LMTK2: variants seen among roughly 807,000 people sequenced by gnomAD.
LMTK2 encodes serine/threonine-protein kinase LMTK2.
LMTK2 carries 37 observed loss-of-function variants against 127.5 expected under a neutral mutation model. The observed-to-expected ratio is 0.29, with a 90% CI of 0.22 to 0.38. The LOEUF (loss-of-function observed/expected upper bound fraction) is 0.38. Ranked by LOEUF, LMTK2 falls within the 10% of genes least tolerant of loss-of-function variation. The probability of loss-of-function intolerance (pLI) is 1.00; values close to 1 mark genes in which losing one functional copy is unlikely to be tolerated. For synonymous variants in LMTK2, 819 were observed against 810.1 expected (o/e 1.01, Z -0.19); for missense variants, 1,694 against 1,920.3 (o/e 0.88, Z 2.20).
At chr7:98,201,645 T>C (rs1797706293) in intron 11 of LMTK2, among the ~76,000 whole-genome samples, 1 of 150,956 alleles carries the variant, frequency 6.6e-6, no homozygotes. Context: ...AGAGTCTTGC[T>C]CTGTCACTAG....
At chr7:98,140,992 G>A (rs974888888) in intron 2 of LMTK2, among the ~76,000 whole-genome samples, 24 of 151,634 alleles carry the variant, frequency 1.6e-4, no homozygotes, top group Non-Finnish European at 2.9e-4. Context: ...TGGAGGTCCA[G>A]GCTGCAGTGA....
At chr7:98,119,329 A>G (rs1470108341) in intron 1 of LMTK2, among the ~76,000 whole-genome samples, 3 of 152,174 alleles carry the variant, frequency 2.0e-5, no homozygotes, top group Non-Finnish European at 4.4e-5. Context: ...GAAAGGAGGA[A>G]AACATTCCAT....
intron 11 of LMTK2, among the ~76,000 whole-genome samples, chr7:98,199,364 C>T (rs1370734729): frequency 6.6e-6 from 1 of 152,128 alleles, no homozygotes; most frequent in Non-Finnish European, 1.5e-5. Context: ...TGTTTATTTT[C>T]GCTTCCTGTA....
At chr7:98,205,369 G>GAA in intron 13 of LMTK2, 95 bp from the exon 14 acceptor site, 1 of 1,472,454 alleles carries the variant, frequency 6.8e-7, no homozygotes. Context: ...ACCCGCTTCC[G>GAA]TTCCTGTGGT....
rs759239748 is a variant in LMTK2 at position 98,193,750 on chromosome 7, C to T, written c.3285C>T (p.Gly1095=). The change falls in exon 11 of 14, where the codon GGC becomes GGT. Residue 1095 remains glycine (G), a synonymous_variant. Transcript: ENST00000297293. This position sits in a 1 kb window ranked among gnomAD's most constrained non-coding sequence, Gnocchi z 4.1. ...TGACCCCTGAGACGTTCACAGCTGGCTCCCAGGGTTCATACCGAGACTCTG... is the reference window on the plus strand; with the variant it reads ...TGACCCCTGAGACGTTCACAGCTGGTTCCCAGGGTTCATACCGAGACTCTG... ...TEVTPETFTA[G]SQGSYRDSAY... is the part of the protein sequence containing the mutation. 2 of 1,613,980 alleles carry T rather than the reference C, an allele frequency of 1.2e-6. No individual in the cohort carries two copies. The highest frequency in any genetic ancestry group is 1.7e-6 in the Non-Finnish European group (2 of 1,180,032).
At chr7:98,146,350 A>G (rs572357967) in intron 3 of LMTK2, among the ~76,000 whole-genome samples, 1 of 151,878 alleles carries the variant, frequency 6.6e-6, no homozygotes, top group Admixed American at 6.6e-5. Context: ...CAGCCTTCCT[A>G]TTTCTCTAAA....
chr7:98,146,610 C>A (rs11980911), intron 3 of LMTK2, among the ~76,000 whole-genome samples: 114 of 152,106 alleles, frequency 7.5e-4, no homozygotes, highest in African/African-American at 2.5e-3. Context: ...TGAATTGATA[C>A]CAGCTTAGCT....
In LMTK2 at chr7:98,194,158, C is replaced by T; in HGVS notation, c.3693C>T (p.Asn1231=). The part of the protein sequence containing the change: ...RPCTLASTGT[N]TNELLAYTNS... Reference sequence around the variant, plus strand: ...GCACCCTCGCTTCCACGGGGACCAACACGAACGAACTCCTTGCCTACACCA... The same window carrying T: ...GCACCCTCGCTTCCACGGGGACCAATACGAACGAACTCCTTGCCTACACCA... The change falls in exon 11 of 14, where the codon AAC becomes AAT. Residue 1231 remains asparagine, a synonymous_variant. Coordinates refer to ENST00000297293, the MANE Select transcript of LMTK2 (RefSeq NM_014916.4). This position sits in a 1 kb window ranked among gnomAD's most constrained non-coding sequence, Gnocchi z 5.4. The T allele has an allele frequency of 6.2e-7, 1 of 1,614,036 alleles. No individual in the cohort carries two copies. The highest frequency in any genetic ancestry group is 8.5e-7 in the Non-Finnish European group (1 of 1,180,028).
chr7:98,133,519 T>A (rs900370843), intron 1 of LMTK2, among the ~76,000 whole-genome samples: 6 of 152,158 alleles, frequency 3.9e-5, no homozygotes, highest in Admixed American at 6.5e-5. Context: ...AGTTTTTTTT[T>A]ATAGCACAGT....
chr7:98,138,321 C>T (rs1232439630), intron 2 of LMTK2, among the ~76,000 whole-genome samples: 2 of 152,148 alleles, frequency 1.3e-5, no homozygotes, highest in Non-Finnish European at 2.9e-5. Context: ...CCTTGTTTTC[C>T]CTGGACATGG....
At chr7:98,134,183 G>A (rs1409695600) in intron 1 of LMTK2, among the ~76,000 whole-genome samples, 2 of 152,168 alleles carry the variant, frequency 1.3e-5, no homozygotes, top group African/African-American at 4.8e-5. Context: ...CGTGGAGCTG[G>A]TCGTATTACC....
At chr7:98,175,445 G>C (rs912260195) in intron 7 of LMTK2, among the ~76,000 whole-genome samples, 2 of 152,216 alleles carry the variant, frequency 1.3e-5, no homozygotes, top group African/African-American at 4.8e-5. Flanking sequence ...ATTACAGAGG[G>C]CCTGAGTGCC....
chr7:98,106,894 G>T lies in LMTK2; in HGVS notation c.-284G>T, dbSNP rs1397607315. The T allele has an allele frequency of 2.2e-6, 1 of 444,994 alleles. No homozygotes were observed. Among genetic ancestry groups the T allele is most frequent in the South Asian group, 4.6e-5 (1 of 21,960 alleles). The allele number at this position is 444,994 out of a possible 1,614,324, so 27.6% of individuals were successfully genotyped here. A position where few individuals can be genotyped will look rare whatever the true frequency, so the allele number is the denominator to read the frequency against. On this transcript the variant is annotated 5_prime_UTR_variant, in exon 1 of 14. Coordinates refer to ENST00000297293, the MANE Select transcript of LMTK2 (RefSeq NM_014916.4). ...GACGCAGCCCATCATGGCGGCGGGA[G>T]CGCGGCTTCCCAGGCCCGCCGCTCC...
At chr7:98,170,644 T>G (rs566477920) in intron 6 of LMTK2, among the ~76,000 whole-genome samples, 22 of 152,226 alleles carry the variant, frequency 1.4e-4, no homozygotes, top group South Asian at 8.3e-4. Flanking sequence ...TATTAACTGA[T>G]TCGAGGAAAC....
At chr7:98,181,007 C>T (rs1349927998) in intron 7 of LMTK2, among the ~76,000 whole-genome samples, 1 of 152,036 alleles carries the variant, frequency 6.6e-6, no homozygotes, top group Non-Finnish European at 1.5e-5. Flanking sequence ...GGGAGCCCTT[C>T]TGCGGAGCCC....
intron 1 of LMTK2, among the ~76,000 whole-genome samples, chr7:98,118,423 CCTT>C (rs1224781826): frequency 1.3e-5 from 2 of 152,104 alleles, no homozygotes; most frequent in Admixed American, 6.6e-5. Context: ...ATAGGCAACT[CCTT>C]GAATTGGTAA....
In LMTK2 at chr7:98,194,363, G is replaced by A. The variant is rs200822417; in HGVS notation, c.3898G>A (p.Ala1300Thr). 9.9e-6 allele frequency: 16 copies of A among 1,614,164 alleles called. No individual in the cohort carries two copies. The East Asian group carries it at 2.7e-4, about 27-fold the overall frequency. The change falls in exon 11 of 14, where the codon GCC becomes ACC. Residue 1300 changes from alanine to threonine, a missense_variant. Coordinates refer to ENST00000297293, the MANE Select transcript of LMTK2 (RefSeq NM_014916.4). This position sits in a 1 kb window ranked among gnomAD's most constrained non-coding sequence, Gnocchi z 5.4. ...CGACGACTCGGACGAGGACCTGCGG[G>A]CCTTCAACCTGCATAGCCTCAGCTC... Reference protein sequence around the residue: ...NSDDSDEDLRAFNLHSLSSES... With the variant: ...NSDDSDEDLRTFNLHSLSSES...
At chr7:98,197,607 T>C (rs1395905773) in intron 11 of LMTK2, among the ~76,000 whole-genome samples, 2 of 152,140 alleles carry the variant, frequency 1.3e-5, no homozygotes, top group Non-Finnish European at 2.9e-5. Flanking sequence ...AATCCTAACA[T>C]TTTGGAAAGC....
At position 98,106,913 on chromosome 7, in the gene LMTK2, C is replaced by T. The variant is rs1037693684; in HGVS notation, c.-265C>T. The T allele has an allele frequency of 2.2e-5, 10 of 444,876 alleles. No individual in the cohort carries two copies. The highest frequency in any genetic ancestry group is 1.8e-4 in the African/African-American group (9 of 48,748). 27.6% of individuals were successfully genotyped at this position (444,876 alleles called of 1,614,324 possible). A position where few individuals can be genotyped will look rare whatever the true frequency, so the allele number is the denominator to read the frequency against. On this transcript the variant is annotated 5_prime_UTR_variant, in exon 1 of 14. Coordinates refer to ENST00000297293, the MANE Select transcript of LMTK2 (RefSeq NM_014916.4). ...GCGGGAGCGCGGCTTCCCAGGCCCG[C>T]CGCTCCGCAGGGCTGCTGGCGTTGC...
Sources: gnomAD v4.1 joint callset for allele counts (sites outside exome capture counted in the v4.1 genomes callset) on GRCh38, gnomAD v4.1.1 for gene constraint, Gnocchi (gnomAD v3.1) non-coding constraint, MANE v1.5 for transcripts, NCBI Gene and HGNC (gene_info 2026-07-23, HGNC 2026-07-21) for gene names.